Variants in UPP1 observed in about 807,000 individuals in gnomAD.
The protein encoded by UPP1 is UPase 1.
In UPP1, 25 loss-of-function variants were observed where a neutral mutation model predicts 29.6. The observed-to-expected ratio is 0.85, with a 90% confidence interval of 0.62 to 1.18. The LOEUF is 1.18. Ranked by LOEUF, UPP1 falls within the 50% of genes most tolerant of loss-of-function variation. The pLI, the probability that UPP1 is intolerant of heterozygous loss-of-function variation, is 0.00. For missense variants in UPP1, 368 were observed against 410.4 expected (o/e 0.90, Z 0.89); for synonymous variants, 165 against 159.8 (o/e 1.03, Z -0.25).
Position 48,107,342 on chromosome 7 carries a change from G to A in UPP1, c.647-19G>A, listed in dbSNP as rs1273177153. On this transcript the variant is annotated intron_variant, in intron 7 of 8. Transcript: ENST00000395564. ...CTTCTCACATGCATGTGGTTCTCATGTCTCCATGTGTGCCTCAGGGCAAGG... is the reference window on the plus strand; with the variant it reads ...CTTCTCACATGCATGTGGTTCTCATATCTCCATGTGTGCCTCAGGGCAAGG... 1 of 1,599,218 alleles carries A rather than the reference G, an allele frequency of 6.3e-7. No homozygotes were observed. Among genetic ancestry groups the A allele is most frequent in the Non-Finnish European group, 8.5e-7 (1 of 1,171,128 alleles).
intron 4 of UPP1, 73 bp from the exon 5 acceptor site, chr7:48,101,751 G>C: frequency 6.6e-7 from 1 of 1,515,514 alleles, no homozygotes; most frequent in South Asian, 1.2e-5. Context: ...TGATGTTGCT[G>C]GTCTAGGGGC....
intron 6 of UPP1, among the ~76,000 whole-genome samples, chr7:48,104,331 G>A (rs1297742195): frequency 6.6e-6 from 1 of 152,232 alleles, no homozygotes; most frequent in Non-Finnish European, 1.5e-5. Context: ...GCCAAAGTCT[G>A]TTAGGCAGAT....
At chr7:48,100,444 A>G (rs930336431) in intron 4 of UPP1, among the ~76,000 whole-genome samples, 5 of 152,242 alleles carry the variant, frequency 3.3e-5, no homozygotes, top group Non-Finnish European at 7.3e-5. Flanking sequence ...GAAGCAAAGG[A>G]TAGTAAATAA....
At chr7:48,102,065 G>A in intron 5 of UPP1, 83 bp downstream of exon 5, 2 of 1,471,246 alleles carry the variant, frequency 1.4e-6, no homozygotes, top group African/African-American at 1.4e-5. Flanking sequence ...CAGACAGCTG[G>A]TCCCCTAACA....
rs1792830708 is a variant in UPP1, at chr7:48,107,515, G to T, written c.793+8G>T. The T allele has an allele frequency of 6.3e-7, 1 of 1,599,116 alleles. No homozygotes were observed. The highest frequency in any genetic ancestry group is 8.6e-7 in the Non-Finnish European group (1 of 1,169,328). On this transcript the variant is annotated splice_region_variant and intron_variant, in intron 8 of 8. Coordinates refer to ENST00000395564, the MANE Select transcript of UPP1 (RefSeq NM_003364.4). ...GCGCCTGCGGCCTCCAAGGTAAGCGGCACTTGATGGGCCTCGGCGTCCCCT... is the reference window on the plus strand; with the variant it reads ...GCGCCTGCGGCCTCCAAGGTAAGCGTCACTTGATGGGCCTCGGCGTCCCCT...
At chr7:48,105,899 CAGGTCCATA>C (rs1792705610) in intron 6 of UPP1, 1 of 152,138 alleles carries the variant, frequency 6.6e-6, no homozygotes, top group South Asian at 2.1e-4. Flanking sequence ...GCATTCAGTC[CAGGTCCATA>C]ACAATGGTCA....
At chr7:48,101,743 A>G in intron 4 of UPP1, 81 bp from the exon 5 acceptor site, 1 of 1,445,154 alleles carries the variant, frequency 6.9e-7, no homozygotes, top group Non-Finnish European at 9.4e-7. Flanking sequence ...GGTAATACTG[A>G]TGTTGCTGGT....
At chr7:48,095,718 G>A (rs1792096058) in intron 3 of UPP1, among the ~76,000 whole-genome samples, 1 of 151,834 alleles carries the variant, frequency 6.6e-6, no homozygotes, top group Non-Finnish European at 1.5e-5. Context: ...CGCAATCTCA[G>A]CTTGCTGCAA....
intron 3 of UPP1, among the ~76,000 whole-genome samples, 169 bp from the exon 4 acceptor site, chr7:48,099,501 G>A (rs1404168742): frequency 6.6e-6 from 1 of 152,182 alleles, no homozygotes; most frequent in Non-Finnish European, 1.5e-5. Context: ...GAAGAACAGA[G>A]GGGAGGCAAG....
intron 3 of UPP1, among the ~76,000 whole-genome samples, chr7:48,096,138 C>T (rs1012285355): frequency 6.6e-5 from 10 of 152,106 alleles, no homozygotes; most frequent in Non-Finnish European, 1.3e-4. Flanking sequence ...AAAACAGGGC[C>T]GGCACACCAA....
chr7:48,090,909 G>A (rs1025280886), intron 2 of UPP1, among the ~76,000 whole-genome samples: 1 of 152,128 alleles, frequency 6.6e-6, no homozygotes, highest in Non-Finnish European at 1.5e-5. Context: ...CAGCACTGGT[G>A]GGCATTCATG....
chr7:48,099,754 A>G lies in UPP1; in HGVS notation c.129A>G (p.Arg43=), dbSNP rs751255827. Reference sequence around the variant, plus strand: ...ATCATTTCAATCTCACCACTAGCAGACACAATTTCCCAGCCTTGTTTGGAG... The same window carrying G: ...ATCATTTCAATCTCACCACTAGCAGGCACAATTTCCCAGCCTTGTTTGGAG... ...ILYHFNLTTS[R]HNFPALFGDV... The change falls in exon 4 of 9, where the codon AGA becomes AGG. Residue 43 remains arginine (R), a synonymous_variant. Transcript: ENST00000395564. 1 of 1,613,510 alleles carries G rather than the reference A, an allele frequency of 6.2e-7. No individual in the cohort carries two copies. The highest frequency in any genetic ancestry group is 1.1e-5 in the South Asian group (1 of 91,076).
intron 6 of UPP1, chr7:48,104,072 G>A (rs1474922030): frequency 2.5e-6 from 1 of 401,164 alleles, no homozygotes; most frequent in African/African-American, 2.1e-5. Context: ...CAAAAGATTA[G>A]CTGGGCGTGG....
At chr7:48,106,718 T>C (rs1583883038) in intron 6 of UPP1, 155 bp from the exon 7 acceptor site, 4 of 657,374 alleles carry the variant, frequency 6.1e-6, no homozygotes, top group Admixed American at 5.6e-5. Context: ...TGGGTCACTG[T>C]GTATTTGAGA....
At position 48,094,776 on chromosome 7, in the gene UPP1, T is replaced by C. The variant is rs372741237; in HGVS notation, c.-8T>C. 8.7e-6 allele frequency: 14 copies of C among 1,614,018 alleles called. No homozygotes were observed. The highest frequency in any genetic ancestry group is 1.1e-5 in the Non-Finnish European group (13 of 1,180,032). On this transcript the variant is annotated 5_prime_UTR_variant, in exon 3 of 9. Transcript: ENST00000395564. Reference sequence around the variant, plus strand: ...TTTTTTCCTTAGGGTCCTGCCTCAGTTGGCGGAATGGCGGCCACGGGAGCC... The same window carrying C: ...TTTTTTCCTTAGGGTCCTGCCTCAGCTGGCGGAATGGCGGCCACGGGAGCC...
intron 6 of UPP1, chr7:48,104,111 G>T (rs1015300381): frequency 1.4e-5 from 4 of 275,980 alleles, no homozygotes; most frequent in Admixed American, 1.4e-4. Context: ...CCAGCTGCTG[G>T]TGAGGCTGAG....
At position 48,106,918 on chromosome 7, in the gene UPP1, C is replaced by T. The variant is rs754514909; in HGVS notation, c.482C>T (p.Thr161Ile). 1.9e-6 allele frequency: 3 copies of T among 1,613,716 alleles called. No individual in the cohort carries two copies. ...GTCATAACAGAGCAGGCAGTGGATA[C>T]CTGCTTCAAGGCAGAGTTTGAGCAG... ...TVVITEQAVD[T>I]CFKAEFEQIV... The change falls in exon 7 of 9, where the codon ACC becomes ATC. Residue 161 changes from threonine (T) to isoleucine (I), a missense_variant. Thr to Ile is a moderately conservative substitution (Grantham distance 89, BLOSUM62 -1). Coordinates refer to ENST00000395564, the MANE Select transcript of UPP1 (RefSeq NM_003364.4).
At chr7:48,103,740 C>T (rs1046208579) in intron 6 of UPP1, 17 of 1,293,282 alleles carry the variant, frequency 1.3e-5, no homozygotes, top group Admixed American at 2.3e-5. Flanking sequence ...TCTCCATTCT[C>T]TCCTTTCCTT....
At chr7:48,099,439 C>T (rs913144626) in intron 3 of UPP1, among the ~76,000 whole-genome samples, 2 of 152,172 alleles carry the variant, frequency 1.3e-5, no homozygotes, top group African/African-American at 2.4e-5. Context: ...ATCCCTGTTG[C>T]CCTCCAAACA....
Sources: allele counts gnomAD v4.1 joint callset (sites outside exome capture counted in the v4.1 genomes callset), GRCh38; gene constraint gnomAD v4.1.1; transcripts MANE v1.5; gene names NCBI Gene and HGNC (gene_info 2026-07-23, HGNC 2026-07-21).